IL3RA: variants seen among roughly 807,000 people sequenced by gnomAD.
IL3RA encodes interleukin-3 receptor subunit alpha.
Under a neutral mutation model 52.3 loss-of-function variants are expected in IL3RA, and 73 were observed. The observed-to-expected ratio is 1.40, with a 90% CI of 1.16 to 1.70. The LOEUF is 1.70. Among genes scored for constraint, IL3RA ranks in the 40% most tolerant of loss-of-function variants. IL3RA has a pLI of 0.00. For synonymous variants in IL3RA, 260 were observed against 194.0 expected (o/e 1.34, Z -2.83); for missense variants, 664 against 504.4 (o/e 1.32, Z -3.03).
intron 1 of IL3RA, among the ~76,000 whole-genome samples, chrX:1,341,443 T>G (rs1373857696): frequency 1.3e-5 from 2 of 150,592 alleles, no homozygotes; most frequent in Non-Finnish European, 3.0e-5. Flanking sequence ...CATGCAGTCC[T>G]GCAAATGTGC....
intron 1 of IL3RA, among the ~76,000 whole-genome samples, chrX:1,337,743 A>G (rs1430349184): frequency 3.5e-5 from 5 of 143,252 alleles, no homozygotes; most frequent in African/African-American, 1.3e-4. Context: ...AGGTGGAGAC[A>G]GCCCTCATAC....
Position 1,382,520 on chromosome X carries a change from C to G in IL3RA, c.*55C>G. On this transcript the variant is annotated 3_prime_UTR_variant, in exon 12 of 12. Transcript: ENST00000331035. ...CCTCAATCTCCCTGGCCGGGCCAGG[C>G]GCCTGCACAGACTGGCTGCTGGACC... 6.6e-7 allele frequency: 1 copy of G among 1,519,690 alleles called. No individual in the cohort carries two copies. 94.1% of individuals were successfully genotyped at this position (1,519,690 alleles called of 1,614,324 possible).
At position 1,358,985 on chromosome X, in the gene IL3RA, A is replaced by G. The variant is rs1434429710; in HGVS notation, c.759+98A>G. On this transcript the variant is annotated intron_variant, in intron 8 of 11. Coordinates refer to ENST00000331035, the MANE Select transcript of IL3RA (RefSeq NM_002183.4). The stretch of plus-strand genomic sequence containing the variant: ...ATGATAAAAAATATTAATAATTCTT[A>G]TTAATAAAATAATGAAAATATTATT... 12 of 833,424 alleles carry G rather than the reference A, an allele frequency of 1.4e-5. 1 individual carries two copies. Among genetic ancestry groups the G allele is most frequent in the Non-Finnish European group, 1.7e-6 (1 of 603,726 alleles). The allele number at this position is 833,424 out of a possible 1,614,324, so 51.6% of individuals were successfully genotyped here.
At chrX:1,351,475 C>T (rs2086079966) in intron 4 of IL3RA, among the ~76,000 whole-genome samples, 1 of 150,816 alleles carries the variant, frequency 6.6e-6, no homozygotes, top group Admixed American at 6.6e-5. Flanking sequence ...ATTACAGCGG[C>T]CCGACATCAC....
intron 7 of IL3RA, among the ~76,000 whole-genome samples, chrX:1,356,840 TGTG>T (rs1182886187): frequency 1.6e-4 from 25 of 152,162 alleles, no homozygotes; most frequent in Admixed American, 6.5e-5. Flanking sequence ...TCTATTGTTA[TGTG>T]GTTTTTTAAT....
chrX:1,363,057 T>A, intron 8 of IL3RA, among the ~76,000 whole-genome samples: 1 of 152,100 alleles, frequency 6.6e-6, no homozygotes, highest in South Asian at 2.1e-4. Flanking sequence ...ATTACAGGTG[T>A]CAGCCACCGC....
At chrX:1,347,314 G>C (rs1736944486) in intron 3 of IL3RA, among the ~76,000 whole-genome samples, 1 of 151,080 alleles carries the variant, frequency 6.6e-6, no homozygotes, top group East Asian at 2.0e-4. Context: ...CGTGGTGGCT[G>C]GTGCCTGTAG....
At chrX:1,358,799 G>C in intron 7 of IL3RA, 62 bp from the exon 8 acceptor site, 2 of 1,592,026 alleles carry the variant, frequency 1.3e-6, no homozygotes, top group South Asian at 1.1e-5. Flanking sequence ...TTTGAGTTTG[G>C]GAGGAGGAGG....
chrX:1,367,815 CGCGGGGTGA>C (rs1454203213), intron 9 of IL3RA, among the ~76,000 whole-genome samples: 12 of 143,828 alleles, frequency 8.3e-5, no homozygotes, highest in African/African-American at 1.8e-4. Context: ...GAGCGGGGTG[CGCGGGGTGA>C]GCGGGGTGCG....
Position 1,353,806 on chromosome X carries a change from C to CA in IL3RA, c.616+1300_616+1301insA, listed in dbSNP as rs1491502681. ...ATGGGTTCCATCATGGGTCATGGGACCCCCCCCATCACGGGTTCCATCATG... is the reference window on the plus strand; with the variant it reads ...ATGGGTTCCATCATGGGTCATGGGACACCCCCCCATCACGGGTTCCATCATG... On this transcript the variant is annotated intron_variant, in intron 6 of 11. Coordinates refer to ENST00000331035, the MANE Select transcript of IL3RA (RefSeq NM_002183.4). Among the ~76,000 whole-genome samples, 22 of 16,638 alleles carry CA rather than the reference C, an allele frequency of 1.3e-3. 2 individuals carry two copies. Among genetic ancestry groups the CA allele is most frequent in the Non-Finnish European group, 3.0e-3 (22 of 7,398 alleles). The allele number at this position is 16,638 out of a possible 152,430, so 10.9% of individuals were successfully genotyped here.
intron 9 of IL3RA, among the ~76,000 whole-genome samples, chrX:1,377,113 AC>A (rs1376287782): frequency 6.6e-6 from 1 of 151,618 alleles, no homozygotes; most frequent in African/African-American, 2.4e-5. Context: ...CACGGAGAAG[AC>A]GGGGTCTCCA....
intron 8 of IL3RA, among the ~76,000 whole-genome samples, chrX:1,364,381 C>T (rs1490277804): frequency 4.6e-5 from 7 of 151,784 alleles, no homozygotes; most frequent in Non-Finnish European, 1.0e-4. Context: ...ATCCCAGCTA[C>T]TCGGGAGGCT....
chrX:1,346,526 G>C (rs1321714441), intron 3 of IL3RA, among the ~76,000 whole-genome samples: 1 of 151,940 alleles, frequency 6.6e-6, no homozygotes, highest in Non-Finnish European at 1.5e-5. Flanking sequence ...AGAATTGCTT[G>C]AACCTGGGAG....
At chrX:1,348,002 A>G (rs1306673174) in intron 3 of IL3RA, among the ~76,000 whole-genome samples, 1 of 138,008 alleles carries the variant, frequency 7.2e-6, no homozygotes, top group Admixed American at 8.0e-5. Context: ...GCGCCCCTGC[A>G]CTCCAGCCTG....
intron 3 of IL3RA, among the ~76,000 whole-genome samples, chrX:1,347,913 T>C (rs1231740765): frequency 1.3e-5 from 2 of 150,890 alleles, no homozygotes; most frequent in Admixed American, 6.6e-5. Context: ...GGCGGGCGCC[T>C]GTAGTCCCAG....
chrX:1,349,485 T>A (rs2085982480), intron 4 of IL3RA, among the ~76,000 whole-genome samples: 1 of 151,872 alleles, frequency 6.6e-6, no homozygotes, highest in African/African-American at 2.4e-5. Flanking sequence ...CAGCCTTAAA[T>A]ACTTTTTGTA....
intron 6 of IL3RA, 74 bp downstream of exon 6, chrX:1,352,580 C>G: frequency 6.8e-7 from 1 of 1,467,706 alleles, no homozygotes; most frequent in Non-Finnish European, 9.3e-7. Context: ...CCAGATCCCA[C>G]GGGACCACGT....
chrX:1,380,040 G>A (rs1447289129), intron 10 of IL3RA, among the ~76,000 whole-genome samples: 8 of 150,564 alleles, frequency 5.3e-5, no homozygotes, highest in African/African-American at 1.5e-4. Context: ...GATGACAGGC[G>A]TGAGCCACCA....
At chrX:1,347,514 G>C (rs1216163130) in intron 3 of IL3RA, among the ~76,000 whole-genome samples, 1 of 151,698 alleles carries the variant, frequency 6.6e-6, no homozygotes, top group Non-Finnish European at 1.5e-5. Context: ...GGCCGGGTGC[G>C]GTGGTGAGGC....
Sources: gnomAD v4.1 joint callset for allele counts (sites outside exome capture counted in the v4.1 genomes callset) on GRCh38, gnomAD v4.1.1 for gene constraint, MANE v1.5 for transcripts, NCBI Gene and HGNC (gene_info 2026-07-23, HGNC 2026-07-21) for gene names.